FRMD6: variants seen among roughly 807,000 people sequenced by gnomAD.
FRMD6 encodes FERM domain containing 6.
In FRMD6, 37 loss-of-function variants were observed where a neutral mutation model predicts 73.2. The ratio of observed to expected loss-of-function variants is 0.51; its 90% CI spans 0.39 to 0.66. The LOEUF is 0.66. FRMD6 is among the 30% of genes least tolerant of loss of function. The probability of loss-of-function intolerance (pLI) is 0.00; values close to 1 mark genes in which losing one functional copy is unlikely to be tolerated. For synonymous variants in FRMD6, 273 were observed against 282.2 expected, an observed-to-expected ratio of 0.97 and a Z score of 0.33; for missense variants, 714 against 780.5, an observed-to-expected ratio of 0.91 and a Z score of 1.02.
At chr14:51,416,546 A>G in the FRMD6 span, among the ~76,000 whole-genome samples, 1 of 152,108 alleles carries the variant, frequency 6.6e-6, no homozygotes, top group East Asian at 1.9e-4. Flanking sequence ...GTTCTTTTAC[A>G]TTTGCTGAGG....
intron 1 of FRMD6, among the ~76,000 whole-genome samples, chr14:51,533,556 T>C (rs1566797788): frequency 6.6e-6 from 1 of 152,214 alleles, no homozygotes; most frequent in Non-Finnish European, 1.5e-5. Flanking sequence ...TCTCACCAAA[T>C]GTTGATGATC....
intron 8 of FRMD6, among the ~76,000 whole-genome samples, chr14:51,711,817 A>G (rs531914189): frequency 5.9e-5 from 9 of 152,346 alleles, no homozygotes; most frequent in Admixed American, 4.6e-4. Context: ...GTAATAAGAA[A>G]TAACAGAAAA....
intron 2 of FRMD6, among the ~76,000 whole-genome samples, chr14:51,571,579 G>A (rs548841858): frequency 5.3e-5 from 8 of 152,266 alleles, no homozygotes; most frequent in South Asian, 2.1e-4. Flanking sequence ...AGATACTGTC[G>A]TTCTTAAATG....
intron 1 of FRMD6, among the ~76,000 whole-genome samples, chr14:51,557,286 A>G (rs996141013): frequency 4.6e-5 from 7 of 152,206 alleles, no homozygotes; most frequent in East Asian, 1.9e-4. Context: ...ACATACATAC[A>G]TACATAGGAA....
the FRMD6 span, among the ~76,000 whole-genome samples, chr14:51,459,826 CAAA>C: frequency 1.4e-4 from 8 of 58,280 alleles, no homozygotes; most frequent in East Asian, 1.8e-3. Context: ...GACTCCATTT[CAAA>C]AAAAAAAAAA....
Position 51,575,191 on chromosome 14 carries a change from T to G in FRMD6, c.-147+4781T>G, listed in dbSNP as rs142440500. ...GCTGAGAATGGCTTAAATTTGAATTTTAAGATTCAATTTGTTATTTAATTT... is the reference window on the plus strand; with the variant it reads ...GCTGAGAATGGCTTAAATTTGAATTGTAAGATTCAATTTGTTATTTAATTT... On this transcript the variant is annotated intron_variant, in intron 2 of 14. Coordinates refer to the FRMD6 transcript ENST00000356218. 4.6e-3 allele frequency among the ~76,000 whole-genome samples: 702 copies of G among 152,324 alleles called. 3 individuals carry two copies. Among genetic ancestry groups the G allele is most frequent in the Non-Finnish European group, 7.7e-3 (526 of 68,024 alleles).
the FRMD6 span, among the ~76,000 whole-genome samples, chr14:51,474,383 A>C: frequency 2.0e-4 from 31 of 152,308 alleles, no homozygotes; most frequent in African/African-American, 7.5e-4. Context: ...AGTGGTAGCA[A>C]AGTCAACAGG....
chr14:51,411,614 A>G, the FRMD6 span, among the ~76,000 whole-genome samples: 1,180 of 152,312 alleles, frequency 7.7e-3, 15 homozygotes, highest in African/African-American at 0.027. Context: ...TGCATGCATC[A>G]ATCTATGCAC....
chr14:51,506,287 C>G (rs192189723), intron 1 of FRMD6, among the ~76,000 whole-genome samples: 1 of 152,200 alleles, frequency 6.6e-6, no homozygotes, highest in South Asian at 2.1e-4. Flanking sequence ...CCAGGCCTCC[C>G]TCTCAGCGCC....
intron 2 of FRMD6, among the ~76,000 whole-genome samples, chr14:51,606,719 C>T (rs555965830): frequency 2.0e-5 from 3 of 152,094 alleles, no homozygotes; most frequent in African/African-American, 4.8e-5. Context: ...GGAATTGGCT[C>T]ATGCAAATGG....
intron 2 of FRMD6, among the ~76,000 whole-genome samples, chr14:51,580,329 A>C (rs1013235809): frequency 6.6e-5 from 10 of 152,218 alleles, no homozygotes; most frequent in Admixed American, 5.9e-4. Context: ...CTGGAAGTCC[A>C]GTATCAGCAA....
At chr14:51,487,323 A>C (rs1882788155), upstream of FRMD6, among the ~76,000 whole-genome samples, 1 of 152,222 alleles carries the variant, frequency 6.6e-6, no homozygotes, top group African/African-American at 2.4e-5. Flanking sequence ...TTTCCTTTAC[A>C]AAATCAGTAA....
chr14:51,671,954 A>G (rs1315050023), intron 1 of FRMD6, among the ~76,000 whole-genome samples: 1 of 152,220 alleles, frequency 6.6e-6, no homozygotes, highest in Non-Finnish European at 1.5e-5. Flanking sequence ...CAAACTTTCC[A>G]CTAGATGGGT....
At chr14:51,565,330 T>G (rs1369578940) in intron 1 of FRMD6, 1 of 152,244 alleles carries the variant, frequency 6.6e-6, no homozygotes, top group Non-Finnish European at 1.5e-5. Context: ...CGAATACTAG[T>G]GTAACCCACT....
At chr14:51,525,394 G>A (rs190864431) in intron 1 of FRMD6, among the ~76,000 whole-genome samples, 163 of 151,870 alleles carry the variant, frequency 1.1e-3, no homozygotes, top group African/African-American at 2.8e-3. Context: ...TAAGCCTCCC[G>A]AGTAGCTGGG....
At chr14:51,622,971 T>C (rs1890981102) in intron 2 of FRMD6, among the ~76,000 whole-genome samples, 1 of 152,156 alleles carries the variant, frequency 6.6e-6, no homozygotes, top group African/African-American at 2.4e-5. Context: ...GGTCTTGCCG[T>C]GTTTCCCAGA....
chr14:51,563,109 AG>A (rs1324514080), intron 1 of FRMD6, among the ~76,000 whole-genome samples: 4 of 152,222 alleles, frequency 2.6e-5, no homozygotes, highest in Non-Finnish European at 5.9e-5. Context: ...GCCTCAGAAG[AG>A]CCAGACTTCT....
At chr14:51,695,332 C>T (rs1311393702) in intron 2 of FRMD6, among the ~76,000 whole-genome samples, 4 of 152,056 alleles carry the variant, frequency 2.6e-5, no homozygotes, top group South Asian at 2.1e-4. Flanking sequence ...GGTAGAATTA[C>T]GATGATAATG....
At chr14:51,726,674 A>T (rs1360274725) in intron 13 of FRMD6, among the ~76,000 whole-genome samples, 1 of 152,238 alleles carries the variant, frequency 6.6e-6, no homozygotes, top group African/African-American at 2.4e-5. Context: ...TCTGGGGCAC[A>T]GCTGATAGTC....
Sources: gnomAD v4.1 joint callset for allele counts (sites outside exome capture counted in the v4.1 genomes callset) on GRCh38, gnomAD v4.1.1 for gene constraint, MANE v1.5 for transcripts, NCBI Gene and HGNC (gene_info 2026-07-23, HGNC 2026-07-21) for gene names.